PPP4R4: variants seen among roughly 807,000 people sequenced by gnomAD.
PPP4R4 encodes protein phosphatase 4 regulatory subunit 4, also known as serine/threonine-protein phosphatase 4 regulatory subunit 4.
A neutral mutation model predicts 121.8 loss-of-function variants in PPP4R4; 70 were observed. That is an observed-to-expected ratio of 0.57 (90% confidence interval 0.47 to 0.70). The LOEUF is 0.70. Among genes scored for constraint, PPP4R4 ranks in the 30% least tolerant of loss-of-function variants. The pLI is 0.00. For missense variants in PPP4R4, 875 were observed against 1,033.6 expected, an observed-to-expected ratio of 0.85 and a Z score of 2.10; for synonymous variants, 348 against 355.7, an observed-to-expected ratio of 0.98 and a Z score of 0.24.
At chr14:94,229,350 A>G (rs1274335286) in intron 3 of PPP4R4, among the ~76,000 whole-genome samples, 1 of 152,030 alleles carries the variant, frequency 6.6e-6, no homozygotes, top group Non-Finnish European at 1.5e-5. Flanking sequence ...GAGTGAGGGA[A>G]TGAGAGGAGT....
In PPP4R4 at chr14:94,256,560, C is replaced by A; in HGVS notation, c.1966C>A (p.Leu656Met). The A allele has an allele frequency of 6.2e-7, 1 of 1,605,484 alleles. No homozygotes were observed. Among genetic ancestry groups the A allele is most frequent in the Non-Finnish European group, 8.5e-7 (1 of 1,172,910 alleles). ...QQLEMCVRKL[L>M]CQEKDKDVLA... Reference sequence around the variant, plus strand: ...GTTAGAAATGTGTGTGAGGAAACTCCTGTGTCAAGAAAAAGATAAAGATGT... The same window carrying A: ...GTTAGAAATGTGTGTGAGGAAACTCATGTGTCAAGAAAAAGATAAAGATGT... The change falls in exon 17 of 25, where the codon CTG becomes ATG. Residue 656 changes from leucine (L) to methionine (M), a missense_variant. Physicochemically the swap from Leu to Met is conservative, Grantham distance 15. Transcript: ENST00000304338.
chr14:94,228,007 A>G (rs1891811319), intron 3 of PPP4R4, among the ~76,000 whole-genome samples: 1 of 152,120 alleles, frequency 6.6e-6, no homozygotes, highest in South Asian at 2.1e-4. Context: ...TTATACTTTA[A>G]CATTCTTTCC....
rs114719572 is a variant in PPP4R4 at position 94,216,621 on chromosome 14, T to C, written c.294+8055T>C. Among the ~76,000 whole-genome samples the C allele has an allele frequency of 3.0e-3, 454 of 152,134 alleles. 2 individuals are homozygous for C. Among genetic ancestry groups the C allele is most frequent in the African/African-American group, 0.01 (433 of 41,518 alleles). ...CTTGGTGATAAAGGTGTGGTGGTGATGAGCTGTTGCTGAGGGACAGGAGCC... is the reference window on the plus strand; with the variant it reads ...CTTGGTGATAAAGGTGTGGTGGTGACGAGCTGTTGCTGAGGGACAGGAGCC... On this transcript the variant is annotated intron_variant, in intron 3 of 24. Transcript: ENST00000304338.
At chr14:94,225,448 G>A (rs1245057747) in intron 3 of PPP4R4, among the ~76,000 whole-genome samples, 1 of 143,430 alleles carries the variant, frequency 7.0e-6, no homozygotes, top group Non-Finnish European at 1.5e-5. Context: ...AAGCCCCTCT[G>A]CAGTAGGAAT....
At chr14:94,231,022 C>T (rs969488682) in intron 4 of PPP4R4, among the ~76,000 whole-genome samples, 10 of 152,066 alleles carry the variant, frequency 6.6e-5, no homozygotes, top group Non-Finnish European at 7.4e-5. Context: ...AATAAAAGAG[C>T]AAACCTTGGT....
intron 3 of PPP4R4, among the ~76,000 whole-genome samples, chr14:94,210,562 T>A (rs1002721632): frequency 1.3e-5 from 2 of 152,122 alleles, no homozygotes; most frequent in Non-Finnish European, 2.9e-5. Context: ...CTCATTTATT[T>A]TACTAATCAA....
intron 1 of PPP4R4, among the ~76,000 whole-genome samples, chr14:94,174,790 CCTCT>C (rs1888573919): frequency 6.6e-6 from 1 of 151,970 alleles, no homozygotes; most frequent in South Asian, 2.1e-4. Context: ...CGGACCGGGT[CCTCT>C]CTAGTCTGGA....
intron 14 of PPP4R4, 110 bp from the exon 15 acceptor site, chr14:94,250,062 G>A (rs1893095495): frequency 3.0e-6 from 2 of 661,308 alleles, no homozygotes; most frequent in Non-Finnish European, 5.5e-6. Context: ...TGAGTTGAGA[G>A]GCAGTGAACA....
chr14:94,275,491 G>A lies in PPP4R4; in HGVS notation c.2567G>A (p.Ser856Asn), dbSNP rs1262993361. 6 of 1,614,074 alleles carry A rather than the reference G, an allele frequency of 3.7e-6. No individual in the cohort carries two copies. The highest frequency in any genetic ancestry group is 5.1e-6 in the Non-Finnish European group (6 of 1,179,964). Residue 856 changes from serine to asparagine, a missense_variant, in exon 24 of 25, where the codon AGT becomes AAT. Transcript: ENST00000304338. ...TCAGTTGACCCCAAGAGCAGTGGAA[G>A]TAAAGATACACAACCACGGAAGGCT... is the stretch of plus-strand genomic sequence containing the variant. ...GNSVDPKSSG[S>N]KDTQPRKATL...
chr14:94,198,935 T>C (rs767404565), intron 2 of PPP4R4, among the ~76,000 whole-genome samples: 4 of 152,258 alleles, frequency 2.6e-5, no homozygotes, highest in Admixed American at 2.0e-4. Context: ...AGCTCTGTGA[T>C]AGGTTTTAAA....
intron 3 of PPP4R4, among the ~76,000 whole-genome samples, chr14:94,209,497 C>A (rs1890630173): frequency 6.6e-6 from 1 of 151,946 alleles, no homozygotes; most frequent in African/African-American, 2.4e-5. Flanking sequence ...CATGAGATGC[C>A]CACCTATGCA....
chr14:94,174,721 C>T (rs909637043), intron 1 of PPP4R4, 139 bp downstream of exon 1: 1 of 1,413,874 alleles, frequency 7.1e-7, no homozygotes, highest in Non-Finnish European at 9.3e-7. Context: ...GGCCCCTCCT[C>T]CTCCACCCCT....
At chr14:94,201,857 A>T (rs1024021727) in intron 2 of PPP4R4, among the ~76,000 whole-genome samples, 1 of 152,028 alleles carries the variant, frequency 6.6e-6, no homozygotes, top group Admixed American at 6.6e-5. Flanking sequence ...TTGTAGCAGT[A>T]CAATTTGCAG....
At position 94,174,375 on chromosome 14, in the gene PPP4R4, A is replaced by C; in HGVS notation, c.-91A>C. 1 of 1,169,440 alleles carries C rather than the reference A, an allele frequency of 8.6e-7. No homozygotes were observed. The highest frequency in any genetic ancestry group is 2.7e-5 in the South Asian group (1 of 36,738). 72.4% of individuals were successfully genotyped at this position (1,169,440 alleles called of 1,614,324 possible). On this transcript the variant is annotated 5_prime_UTR_variant, in exon 1 of 25. Transcript: ENST00000304338. ...CTCGGCTCCAGCGGCCAAGAGCCGG[A>C]GAAAGTCCTGCTGGTGGGCGGCCGC...
chr14:94,262,807 G>A (rs1224536080), intron 19 of PPP4R4, among the ~76,000 whole-genome samples: 3 of 151,860 alleles, frequency 2.0e-5, no homozygotes, highest in East Asian at 3.8e-4. Flanking sequence ...CAGGTCTTCT[G>A]GTGACAACTT....
At chr14:94,276,032 C>A (rs1048944983) in intron 24 of PPP4R4, among the ~76,000 whole-genome samples, 5 of 151,178 alleles carry the variant, frequency 3.3e-5, no homozygotes, top group African/African-American at 1.2e-4. Context: ...CCCCATGATT[C>A]CTTTTAATGT....
chr14:94,220,537 T>C (rs971088363), intron 3 of PPP4R4, among the ~76,000 whole-genome samples: 1 of 151,996 alleles, frequency 6.6e-6, no homozygotes, highest in Non-Finnish European at 1.5e-5. Flanking sequence ...CAAGCGAGTA[T>C]AGAAAGGTTA....
At chr14:94,253,962 C>G (rs1265091955) in intron 16 of PPP4R4, among the ~76,000 whole-genome samples, 2 of 152,182 alleles carry the variant, frequency 1.3e-5, no homozygotes, top group African/African-American at 4.8e-5. Flanking sequence ...AGGACAGTTT[C>G]CGGAGCCACA....
chr14:94,214,615 T>G (rs1264956026), intron 3 of PPP4R4, among the ~76,000 whole-genome samples: 1 of 152,152 alleles, frequency 6.6e-6, no homozygotes, highest in African/African-American at 2.4e-5. Context: ...ATGGGTAGAT[T>G]TTTTTAACAT....
Sources: gnomAD v4.1 joint callset for allele counts (sites outside exome capture counted in the v4.1 genomes callset) on GRCh38, gnomAD v4.1.1 for gene constraint, MANE v1.5 for transcripts, NCBI Gene and HGNC (gene_info 2026-07-23, HGNC 2026-07-21) for gene names.